CLMP: variants seen among roughly 807,000 people sequenced by gnomAD.
CLMP encodes CXADR like cell adhesion molecule.
In CLMP, 27 loss-of-function variants were observed where a neutral mutation model predicts 45.2. That is an observed-to-expected ratio of 0.60 (90% confidence interval 0.44 to 0.82). CLMP has a LOEUF of 0.82. Ranked by LOEUF, CLMP falls within the 40% of genes least tolerant of loss-of-function variation. The probability of loss-of-function intolerance (pLI) is 0.00; values close to 1 mark genes in which losing one functional copy is unlikely to be tolerated. For synonymous variants in CLMP, 167 were observed against 171.4 expected (o/e 0.97, Z 0.20); for missense variants, 403 against 448.4 (o/e 0.90, Z 0.91).
chr11:123,157,562 C>T (rs1304631532), intron 1 of CLMP, among the ~76,000 whole-genome samples: 1 of 151,352 alleles, frequency 6.6e-6, no homozygotes, highest in African/African-American at 2.4e-5. Context: ...TCAACAAAAC[C>T]CCCAAAATTA....
At chr11:123,124,797 T>C (rs530303594) in intron 1 of CLMP, among the ~76,000 whole-genome samples, 1 of 152,370 alleles carries the variant, frequency 6.6e-6, no homozygotes, top group Admixed American at 6.5e-5. Context: ...CTAAAATAAT[T>C]ATGTAATCAA....
intron 1 of CLMP, among the ~76,000 whole-genome samples, chr11:123,138,349 A>T (rs1326824117): frequency 6.6e-6 from 1 of 152,068 alleles, no homozygotes; most frequent in Non-Finnish European, 1.5e-5. Flanking sequence ...TACGAATTTT[A>T]TGAAGATCCT....
intron 1 of CLMP, among the ~76,000 whole-genome samples, chr11:123,133,259 C>T (rs1192171640): frequency 6.6e-6 from 1 of 152,064 alleles, no homozygotes; most frequent in Non-Finnish European, 1.5e-5. Flanking sequence ...CTTGACCGGG[C>T]CCTAGTCAGG....
intron 1 of CLMP, among the ~76,000 whole-genome samples, chr11:123,153,269 T>C (rs1861367211): frequency 6.6e-6 from 1 of 152,160 alleles, no homozygotes; most frequent in African/African-American, 2.4e-5. Flanking sequence ...TTTGAGCAAA[T>C]ACAAGTTTCA....
chr11:123,182,022 G>A lies in CLMP; in HGVS notation c.28+12891C>T, dbSNP rs550269553. On this transcript the variant is annotated intron_variant, in intron 1 of 6. Transcript: ENST00000448775. ...GCTTCTTTTAGTTCAAGGCTGCTCC[G>A]CAATCCTAGAAATACAAATGTCTTT... is the stretch of plus-strand genomic sequence containing the variant. 1.2e-4 allele frequency among the ~76,000 whole-genome samples: 18 copies of A among 152,290 alleles called. No individual in the cohort carries two copies. In the East Asian group the frequency reaches 2.7e-3, roughly 23 times the overall value.
In CLMP at chr11:123,073,454, G is replaced by A; in HGVS notation, c.*20C>T. 6.3e-7 allele frequency: 1 copy of A among 1,583,860 alleles called. No homozygotes were observed. Among genetic ancestry groups the A allele is most frequent in the East Asian group, 2.2e-5 (1 of 44,500 alleles). ...AGACCCTGACTCCTAGGAAAGCGTG[G>A]GAGTCAAGTCCATTGTAATTCAGAC... On this transcript the variant is annotated 3_prime_UTR_variant, in exon 7 of 7. Transcript: ENST00000448775.
intron 1 of CLMP, among the ~76,000 whole-genome samples, chr11:123,172,572 C>T (rs531474984): frequency 8.5e-5 from 13 of 152,226 alleles, no homozygotes; most frequent in Non-Finnish European, 1.5e-4. Context: ...GCCTCAACCT[C>T]TTGAGCTCAG....
chr11:123,082,617 GT>G (rs554707005), intron 5 of CLMP, among the ~76,000 whole-genome samples: 25 of 142,574 alleles, frequency 1.8e-4, no homozygotes, highest in East Asian at 8.2e-4. Context: ...TTTTGTGTGT[GT>G]TTTTTTTTTT....
intron 1 of CLMP, among the ~76,000 whole-genome samples, chr11:123,134,114 G>T (rs953145955): frequency 6.6e-6 from 1 of 151,824 alleles, no homozygotes; most frequent in South Asian, 2.1e-4. Flanking sequence ...ACAAAAATTC[G>T]CCAGGCGTGG....
chr11:123,148,647 G>C (rs1347297403), intron 1 of CLMP, among the ~76,000 whole-genome samples: 1 of 152,200 alleles, frequency 6.6e-6, no homozygotes, highest in African/African-American at 2.4e-5. Flanking sequence ...CCTTCTAAGA[G>C]ATGAACAGAT....
chr11:123,149,760 CA>C (rs1186658808), intron 1 of CLMP, among the ~76,000 whole-genome samples: 1 of 151,176 alleles, frequency 6.6e-6, no homozygotes, highest in Non-Finnish European at 1.5e-5. Flanking sequence ...AAGAGGTCCT[CA>C]AAAGGTTTTC....
chr11:123,094,061 G>T (rs968278730), intron 2 of CLMP, among the ~76,000 whole-genome samples: 1 of 152,164 alleles, frequency 6.6e-6, no homozygotes, highest in Non-Finnish European at 1.5e-5. Context: ...AGGTAATACA[G>T]CTAGTGGTTC....
At chr11:123,097,646 T>C in intron 2 of CLMP, 149 bp downstream of exon 2, 1 of 612,928 alleles carries the variant, frequency 1.6e-6, no homozygotes, top group Non-Finnish European at 2.8e-6. Context: ...TTCTTCTCTA[T>C]AGTTTTGTAT....
chr11:123,144,274 G>A lies in CLMP; in HGVS notation c.29-46322C>T, dbSNP rs567257369. Among the ~76,000 whole-genome samples, 10 of 152,342 alleles carry A rather than the reference G, an allele frequency of 6.6e-5. No homozygotes were observed. In the South Asian group the frequency reaches 2.1e-3, roughly 32 times the overall value. ...TACACCAACTTCTTTGATTTGTGTTGAGGGCTTTGTAATCTGCAATGCATT... is the reference window on the plus strand; with the variant it reads ...TACACCAACTTCTTTGATTTGTGTTAAGGGCTTTGTAATCTGCAATGCATT... On this transcript the variant is annotated intron_variant, in intron 1 of 6. Coordinates refer to ENST00000448775, the MANE Select transcript of CLMP (RefSeq NM_024769.5).
intron 1 of CLMP, among the ~76,000 whole-genome samples, chr11:123,118,614 T>TG (rs1860749204): frequency 6.6e-6 from 1 of 152,170 alleles, no homozygotes; most frequent in Non-Finnish European, 1.5e-5. Context: ...TGCAGATAAA[T>TG]GGACTAACCC....
intron 1 of CLMP, among the ~76,000 whole-genome samples, chr11:123,168,350 GC>G (rs896843434): frequency 2.6e-5 from 4 of 152,122 alleles, no homozygotes; most frequent in Non-Finnish European, 5.9e-5. Flanking sequence ...TAGGGCAGCT[GC>G]CCCCCCTGGT....
intron 1 of CLMP, among the ~76,000 whole-genome samples, chr11:123,183,925 G>C (rs1461486708): frequency 6.6e-6 from 1 of 152,006 alleles, no homozygotes; most frequent in African/African-American, 2.4e-5. Flanking sequence ...CAGAAGACCT[G>C]GCTTCGAGTT....
In CLMP at chr11:123,071,713, G is replaced by T. The variant is rs1014175937; in HGVS notation, c.*1761C>A. 1 of 152,148 alleles carries T rather than the reference G, an allele frequency of 6.6e-6. No individual in the cohort carries two copies. The highest frequency in any genetic ancestry group is 2.4e-5 in the African/African-American group (1 of 41,364). 9.4% of individuals were successfully genotyped at this position (152,148 alleles called of 1,614,324 possible). On this transcript the variant is annotated 3_prime_UTR_variant, in exon 7 of 7. Coordinates refer to ENST00000448775, the MANE Select transcript of CLMP (RefSeq NM_024769.5). ...CACTCCAGCCTGGGCAACAGAGCGA[G>T]ACTTCGTCTCAAAAAAAAAAAAGTT...
Position 123,074,737 on chromosome 11 carries a change from T to C in CLMP, c.786A>G (p.Glu262=). 6.2e-7 allele frequency: 1 copy of C among 1,614,166 alleles called. No individual in the cohort carries two copies. The highest frequency in any genetic ancestry group is 8.5e-7 in the Non-Finnish European group (1 of 1,180,028). Residue 262 remains glutamate (E), a synonymous_variant, in exon 6 of 7, where the codon GAA becomes GAG. Transcript: ENST00000448775. ...TAGGTCTCTCTTCTTCCTCATATCT[T>C]TCTTTGTCTTTCCTTCGGATTAGCA... is the stretch of plus-strand genomic sequence containing the variant. ...VWLLIRRKDK[E]RYEEEERPNE... is the part of the protein sequence containing the mutation.
Sources: gnomAD v4.1 joint callset for allele counts (sites outside exome capture counted in the v4.1 genomes callset) on GRCh38, gnomAD v4.1.1 for gene constraint, MANE v1.5 for transcripts, NCBI Gene and HGNC (gene_info 2026-07-23, HGNC 2026-07-21) for gene names.